Variants in NTRK1 observed in about 807,000 individuals in gnomAD.
NTRK1 encodes the protein neurotrophic receptor tyrosine kinase 1.
Under a neutral mutation model 86.8 loss-of-function variants are expected in NTRK1, and 62 were observed. That is an observed-to-expected ratio of 0.71 (90% CI 0.58 to 0.88). The LOEUF is 0.88. NTRK1 is among the 40% of genes least tolerant of loss of function. The probability of loss-of-function intolerance (pLI) is 0.00; values close to 1 mark genes in which losing one functional copy is unlikely to be tolerated. For missense variants in NTRK1, 967 were observed against 1,078.4 expected (o/e 0.90, Z 1.45); for synonymous variants, 469 against 456.6 (o/e 1.03, Z -0.35).
At chr1:156,858,696 A>T (rs562925642), upstream of NTRK1, 7 of 1,271,212 alleles carry the variant, frequency 5.5e-6, no homozygotes, top group East Asian at 1.6e-4. Flanking sequence ...GATAAGCCCT[A>T]AGGGACACAG....
upstream of NTRK1, chr1:156,860,719 C>T: frequency 1.1e-6 from 1 of 923,146 alleles, no homozygotes; most frequent in Non-Finnish European, 1.5e-6. Context: ...CGCTGGGGGC[C>T]CCTAACAGGG....
chr1:156,816,219 G>C, intron 1 of NTRK1: 1 of 1,423,338 alleles, frequency 7.0e-7, no homozygotes, highest in Admixed American at 2.8e-5. Context: ...CAGGAAAAAC[G>C]CAGAAGGGCA....
chr1:156,819,033 C>T (rs1322917660), intron 1 of NTRK1, among the ~76,000 whole-genome samples: 1 of 152,074 alleles, frequency 6.6e-6, no homozygotes, highest in Non-Finnish European at 1.5e-5. Context: ...GATGAAGTCT[C>T]ACTCTGTCAC....
chr1:156,848,855 T>A (rs11590051), intron 2 of NTRK1: 9 of 1,520,128 alleles, frequency 5.9e-6, no homozygotes, highest in Non-Finnish European at 8.0e-6. Flanking sequence ...CTCACCTGCC[T>A]GTGGTCCCGA....
At chr1:156,836,877 T>C (rs907094029) in intron 1 of NTRK1, among the ~76,000 whole-genome samples, 1 of 152,206 alleles carries the variant, frequency 6.6e-6, no homozygotes, top group Non-Finnish European at 1.5e-5. Context: ...GGACAAGCTA[T>C]GCAATTAGCC....
At chr1:156,871,789 C>T (rs1386941614) in intron 7 of NTRK1, 34 bp downstream of exon 7, 9 of 1,613,822 alleles carry the variant, frequency 5.6e-6, no homozygotes, top group Non-Finnish European at 7.6e-6. Context: ...CACCCACCCC[C>T]TACTCATCTC....
chr1:156,864,713 T>A lies in NTRK1; in HGVS notation c.288-15T>A, dbSNP rs372509539. On this transcript the variant is annotated splice_polypyrimidine_tract_variant and intron_variant, in intron 2 of 16. Transcript: ENST00000524377. ...GCTGAGACCTGGGGACTGATCCTCCTGCACCCCTCCCCAGCACCATCGTGA... is the reference window on the plus strand; with the variant it reads ...GCTGAGACCTGGGGACTGATCCTCCAGCACCCCTCCCCAGCACCATCGTGA... 27 of 1,613,604 alleles carry A rather than the reference T, an allele frequency of 1.7e-5. No homozygotes were observed. The East Asian group carries it at 5.8e-4, about 35-fold the overall frequency.
Position 156,876,423 on chromosome 1 carries a change from T to C in NTRK1, c.1656T>C (p.Ser552=). The C allele has an allele frequency of 6.2e-7, 1 of 1,613,642 alleles. No homozygotes were observed. Among genetic ancestry groups the C allele is most frequent in the Non-Finnish European group, 8.5e-7 (1 of 1,179,968 alleles). The change falls in exon 14 of 17, where the codon AGT becomes AGC. Residue 552 remains serine, a synonymous_variant. Transcript: ENST00000524377. ...AVKALKEASE[S]ARQDFQREAE... ...AGGCACTGAAGGAGGCGTCCGAGAG[T>C]GCTCGGCAGGACTTCCAGCGTGAGG...
Position 156,864,779 on chromosome 1 carries a change from C to T in NTRK1, c.339C>T (p.Phe113=), listed in dbSNP as rs1655846808. ...TCGTGGCGCCAGATGCCTTCCATTT[C>T]ACTCCTCGGCTCAGTCGCCTGTGAG... The part of the protein sequence containing the change: ...LRFVAPDAFH[F]TPRLSRLNLS... Residue 113 remains phenylalanine, a synonymous_variant, in exon 3 of 17, where the codon TTC becomes TTT. Transcript: ENST00000524377. 1 of 1,614,006 alleles carries T rather than the reference C, an allele frequency of 6.2e-7. No individual in the cohort carries two copies. Among genetic ancestry groups the T allele is most frequent in the Admixed American group, 1.7e-5 (1 of 60,016 alleles).
At chr1:156,842,942 TTTC>T in intron 2 of NTRK1, 2 of 1,337,312 alleles carry the variant, frequency 1.5e-6, no homozygotes. Context: ...TGACCCTTTC[TTTC>T]TTACCACATG....
chr1:156,848,816 G>T, intron 2 of NTRK1: 1 of 1,383,184 alleles, frequency 7.2e-7, no homozygotes, highest in South Asian at 1.4e-5. Context: ...CTGGCTTCCT[G>T]GGTCTTCATA....
chr1:156,869,015 T>TCTCCCTCC (rs1387674004), intron 6 of NTRK1, among the ~76,000 whole-genome samples: 2 of 31,348 alleles, frequency 6.4e-5, no homozygotes, highest in Non-Finnish European at 1.4e-4. Context: ...CACTTTTCTC[T>TCTCCCTCC]CTCCCTTCCT....
At chr1:156,845,281 GTGCCGCCCTGAGTCCC>G (rs1558085950) in intron 2 of NTRK1, 1 of 1,612,530 alleles carries the variant, frequency 6.2e-7, no homozygotes, top group Non-Finnish European at 8.5e-7. Flanking sequence ...CTGCCCGGCG[GTGCCGCCCTGAGTCCC>G]TGGGGAGAGC....
At chr1:156,851,761 C>T (rs897603662) in intron 2 of NTRK1, 2 of 1,612,294 alleles carry the variant, frequency 1.2e-6, no homozygotes, top group African/African-American at 1.3e-5. Flanking sequence ...CTTTAGGGCA[C>T]AGCCCCTCGC....
chr1:156,849,116 G>T, intron 2 of NTRK1: 1 of 1,597,278 alleles, frequency 6.3e-7, no homozygotes, highest in Non-Finnish European at 8.5e-7. Context: ...CTGACCCCGC[G>T]GCATCCCATT....
chr1:156,864,579 A>G (rs1395224047), intron 2 of NTRK1, 149 bp from the exon 3 acceptor site: 1 of 1,110,810 alleles, frequency 9.0e-7, no homozygotes, highest in African/African-American at 1.5e-5. Context: ...CAGGGCTTTG[A>G]GGGGTCTAGA....
At chr1:156,845,244 T>C in intron 2 of NTRK1, 1 of 1,611,154 alleles carries the variant, frequency 6.2e-7, no homozygotes, top group Non-Finnish European at 8.5e-7. Context: ...AAATCCGAGC[T>C]GTTGCCCCCC....
Position 156,854,470 on chromosome 1 carries a change from C to T in NTRK1, c.51-9884C>T, listed in dbSNP as rs1363155786. On this transcript the variant is annotated intron_variant, in intron 2 of 16. Transcript: ENST00000392302. The surrounding 1 kb of genome is among the most constrained non-coding windows in gnomAD (Gnocchi z 4.2). ...CCTTCCTGGGCCCCGGAGGGCTCACCTGCAGCCTGCAGGGTCTCTACCAGA... is the reference window on the plus strand; with the variant it reads ...CCTTCCTGGGCCCCGGAGGGCTCACTTGCAGCCTGCAGGGTCTCTACCAGA... Among the ~76,000 whole-genome samples, 1 of 152,172 alleles carries T rather than the reference C, an allele frequency of 6.6e-6. No individual in the cohort carries two copies. Among genetic ancestry groups the T allele is most frequent in the Non-Finnish European group, 1.5e-5 (1 of 68,032 alleles).
upstream of NTRK1, among the ~76,000 whole-genome samples, chr1:156,859,492 C>T (rs1331694257): frequency 6.6e-6 from 1 of 152,166 alleles, no homozygotes; most frequent in African/African-American, 2.4e-5. This position sits in a 1 kb window ranked among gnomAD's most constrained non-coding sequence, Gnocchi z 6.2. Flanking sequence ...CTTCTGGCAG[C>T]CTCGACCCGG....
Sources: gnomAD v4.1 joint callset for allele counts (sites outside exome capture counted in the v4.1 genomes callset) on GRCh38, gnomAD v4.1.1 for gene constraint, Gnocchi (gnomAD v3.1) non-coding constraint, MANE v1.5 for transcripts, NCBI Gene and HGNC (gene_info 2026-07-23, HGNC 2026-07-21) for gene names.